The following TNKS variants were observed in gnomAD, a reference collection of about 807,000 sequenced individuals.
The protein encoded by TNKS is tankyrase.
Under a neutral mutation model 135.8 loss-of-function variants are expected in TNKS, and 72 were observed. That is an observed-to-expected ratio of 0.53 (90% confidence interval 0.44 to 0.64). The LOEUF (loss-of-function observed/expected upper bound fraction) is 0.64. Among genes scored for constraint, TNKS ranks in the 30% least tolerant of loss-of-function variants. TNKS has a pLI of 0.00. For synonymous variants in TNKS, 849 were observed against 649.3 expected, an observed-to-expected ratio of 1.31 and a Z score of -4.68; for missense variants, 1,769 against 1,674.0, an observed-to-expected ratio of 1.06 and a Z score of -0.99.
rs760571850 is a variant in TNKS at position 9,752,569 on chromosome 8, C to T, written c.3096C>T (p.Ser1032=). ...GEVAGLDMNI[S]QFLKSLGLEH... is the part of the protein sequence containing the mutation. Reference sequence around the variant, plus strand: ...TTGCTGGTCTTGACATGAATATCAGCCAATTTCTAAAAAGCCTTGGCCTTG... The same window carrying T: ...TTGCTGGTCTTGACATGAATATCAGTCAATTTCTAAAAAGCCTTGGCCTTG... The change falls in exon 20 of 27, where the codon AGC becomes AGT. Residue 1032 remains serine, a synonymous_variant. Coordinates refer to ENST00000310430, the MANE Select transcript of TNKS (RefSeq NM_003747.3). 8 of 1,612,794 alleles carry T rather than the reference C, an allele frequency of 5.0e-6. No individual in the cohort carries two copies. The highest frequency in any genetic ancestry group is 6.8e-6 in the Non-Finnish European group (8 of 1,179,408).
chr8:9,592,629 A>G (rs1378118180), intron 2 of TNKS, among the ~76,000 whole-genome samples: 1 of 152,208 alleles, frequency 6.6e-6, no homozygotes, highest in Non-Finnish European at 1.5e-5. Flanking sequence ...AGGAACTAAC[A>G]ATAATCTTGT....
intron 11 of TNKS, among the ~76,000 whole-genome samples, chr8:9,714,924 G>T (rs1379591447): frequency 6.6e-6 from 1 of 152,194 alleles, no homozygotes; most frequent in Non-Finnish European, 1.5e-5. Flanking sequence ...GATCTACTGA[G>T]AATTCACATA....
intron 5 of TNKS, among the ~76,000 whole-genome samples, chr8:9,702,464 C>T (rs1294049259): frequency 6.6e-6 from 1 of 152,098 alleles, no homozygotes; most frequent in Non-Finnish European, 1.5e-5. Context: ...ATAAGGGTAA[C>T]AGATTTCTAG....
intron 3 of TNKS, among the ~76,000 whole-genome samples, chr8:9,643,574 T>C (rs924085498): frequency 6.6e-6 from 1 of 152,078 alleles, no homozygotes; most frequent in Non-Finnish European, 1.5e-5. Context: ...ATTCAATCCA[T>C]AGCAGCTACT....
In TNKS at chr8:9,751,725, C is replaced by A. The variant is rs114570088; in HGVS notation, c.2949C>A (p.Pro983=). 2 of 1,614,246 alleles carry A rather than the reference C, an allele frequency of 1.2e-6. No homozygotes were observed. Among genetic ancestry groups the A allele is most frequent in the East Asian group, 2.2e-5 (1 of 44,880 alleles). Residue 983 remains proline, a synonymous_variant, in exon 19 of 27, where the codon CCC becomes CCA. Transcript: ENST00000310430. ...CTCTGATCTCACCAGCATCCACCCCCTCCTGCCTCTCGGCTGCCAGCAGCA... is the reference window on the plus strand; with the variant it reads ...CTCTGATCTCACCAGCATCCACCCCATCCTGCCTCTCGGCTGCCAGCAGCA... ...SASLISPAST[P]SCLSAASSID... is the part of the protein sequence containing the mutation.
chr8:9,698,860 C>T (rs1803656731), intron 5 of TNKS, among the ~76,000 whole-genome samples: 1 of 152,132 alleles, frequency 6.6e-6, no homozygotes, highest in Admixed American at 6.5e-5. Flanking sequence ...TAGCCTGAAT[C>T]CAAGAAGACA....
At chr8:9,762,463 A>G (rs763291828) in intron 21 of TNKS, among the ~76,000 whole-genome samples, 5 of 151,960 alleles carry the variant, frequency 3.3e-5, no homozygotes, top group Non-Finnish European at 7.4e-5. Context: ...GATAATTTTT[A>G]TATTTTAGAT....
Position 9,763,153 on chromosome 8 carries a change from A to G in TNKS, c.3281A>G (p.Asn1094Ser). ...ERLLGGQQGT[N>S]PYLTFHCVNQ... ...TAATTTTTCTCTCCGACAGGCACCA[A>G]TCCTTATTTGACTTTTCACTGTGTT... The change falls in exon 22 of 27, where the codon AAT becomes AGT. Residue 1094 changes from asparagine to serine, a missense_variant. Around this residue, in one of 5 missense-constraint regions of TNKS, gnomAD observed 722 missense variants for 688.9 expected, o/e 1.05. Coordinates refer to ENST00000310430, the MANE Select transcript of TNKS (RefSeq NM_003747.3). 6.3e-7 allele frequency: 1 copy of G among 1,588,668 alleles called. No individual in the cohort carries two copies.
At chr8:9,577,975 A>G (rs1293594194) in intron 1 of TNKS, among the ~76,000 whole-genome samples, 3 of 152,202 alleles carry the variant, frequency 2.0e-5, no homozygotes, top group Non-Finnish European at 4.4e-5. Flanking sequence ...ACCAAAACAA[A>G]GGGCCTGCAG....
intron 3 of TNKS, among the ~76,000 whole-genome samples, chr8:9,644,966 G>A (rs1305372474): frequency 6.6e-6 from 1 of 152,154 alleles, no homozygotes; most frequent in East Asian, 1.9e-4. Flanking sequence ...AGTCTTCTGA[G>A]CATGTAAAGG....
Position 9,580,127 on chromosome 8 carries a change from T to C in TNKS, c.674-32T>C. 2.5e-6 allele frequency: 4 copies of C among 1,581,312 alleles called. No homozygotes were observed. The South Asian group carries it at 3.3e-5, about 13-fold the overall frequency. The stretch of plus-strand genomic sequence containing the variant: ...ATGGTTCTTTTTACAAAATCAAATA[T>C]ATATACAAGACATTTTTTCGTTTCT... On this transcript the variant is annotated intron_variant, in intron 1 of 26. Transcript: ENST00000310430.
At chr8:9,610,532 C>T (rs1169291023) in intron 2 of TNKS, among the ~76,000 whole-genome samples, 1 of 151,972 alleles carries the variant, frequency 6.6e-6, no homozygotes, top group African/African-American at 2.4e-5. Context: ...GAATCTTATA[C>T]ATTGAAGGCT....
At chr8:9,712,777 C>G (rs1804404203) in intron 11 of TNKS, among the ~76,000 whole-genome samples, 1 of 151,982 alleles carries the variant, frequency 6.6e-6, no homozygotes, top group Non-Finnish European at 1.5e-5. Flanking sequence ...GTAGTCCCAG[C>G]TACTCGGGAG....
At chr8:9,679,507 A>G (rs1382586057) in intron 3 of TNKS, among the ~76,000 whole-genome samples, 2 of 152,162 alleles carry the variant, frequency 1.3e-5, no homozygotes, top group Admixed American at 6.5e-5. Flanking sequence ...GTCATTACCA[A>G]TAAAACTTCA....
chr8:9,588,399 C>T (rs1798467931), intron 2 of TNKS, among the ~76,000 whole-genome samples: 1 of 151,994 alleles, frequency 6.6e-6, no homozygotes, highest in African/African-American at 2.4e-5. Context: ...CTCAGCCTCC[C>T]GAGTAGCTGG....
At chr8:9,775,416 T>C (rs1460769308) in intron 26 of TNKS, among the ~76,000 whole-genome samples, 1 of 137,404 alleles carries the variant, frequency 7.3e-6, no homozygotes, top group Non-Finnish European at 1.5e-5. Context: ...TTAACTAAAA[T>C]CAGAGCAGAC....
At chr8:9,693,758 T>A (rs1803386492) in intron 5 of TNKS, among the ~76,000 whole-genome samples, 1 of 152,198 alleles carries the variant, frequency 6.6e-6, no homozygotes, top group Non-Finnish European at 1.5e-5. Context: ...AAACTGATGG[T>A]ACATTGAACA....
intron 26 of TNKS, among the ~76,000 whole-genome samples, chr8:9,771,564 CGA>C (rs139793378): frequency 1.4e-4 from 13 of 93,322 alleles, no homozygotes; most frequent in South Asian, 8.0e-4. Context: ...AGGGAGAAAG[CGA>C]GAGAGGAAGG....
At chr8:9,770,353 A>C in intron 26 of TNKS, 91 bp downstream of exon 26, 1 of 1,296,608 alleles carries the variant, frequency 7.7e-7, no homozygotes, top group Non-Finnish European at 1.1e-6. Context: ...TTTTCAGTGA[A>C]ATATCCACCA....
Sources: gnomAD v4.1 joint callset for allele counts (sites outside exome capture counted in the v4.1 genomes callset) on GRCh38, gnomAD v4.1.1 for gene constraint, gnomAD v4.1.1 regional missense constraint, MANE v1.5 for transcripts, NCBI Gene and HGNC (gene_info 2026-07-23, HGNC 2026-07-21) for gene names.